Variants in AKR1C3 observed in about 807,000 individuals in gnomAD.
AKR1C3 encodes 3-alpha hydroxysteroid dehydrogenase, type II.
A neutral mutation model predicts 43.6 loss-of-function variants in AKR1C3; 48 were observed. The ratio of observed to expected loss-of-function variants is 1.10; its 90% CI spans 0.87 to 1.40. The LOEUF (loss-of-function observed/expected upper bound fraction) is 1.40, where lower values mean the gene tolerates loss of function less well. AKR1C3 is among the 40% of genes most tolerant of loss of function. The pLI is 0.00. For synonymous variants in AKR1C3, 162 were observed against 139.6 expected (o/e 1.16, Z -1.13); for missense variants, 482 against 391.2 (o/e 1.23, Z -1.96).
At chr10:5,091,922 G>A (rs1477669797), upstream of AKR1C3, among the ~76,000 whole-genome samples, 4 of 151,992 alleles carry the variant, frequency 2.6e-5, no homozygotes, top group Admixed American at 2.0e-4. Context: ...TCAGGTTACT[G>A]TCTAAAATGC....
intron 1 of AKR1C3, among the ~76,000 whole-genome samples, chr10:5,071,075 G>A (rs184505980): frequency 1.3e-5 from 2 of 152,278 alleles, no homozygotes; most frequent in Admixed American, 1.3e-4. Context: ...GCCTCACAAT[G>A]GATTTCCACT....
At chr10:5,086,236 C>A (rs562374014) in intron 1 of AKR1C3, among the ~76,000 whole-genome samples, 5 of 151,730 alleles carry the variant, frequency 3.3e-5, no homozygotes, top group African/African-American at 1.2e-4. Context: ...TCCCTCTACA[C>A]ATTGCTTTGA....
At chr10:5,073,759 A>AC (rs1270605624) in intron 1 of AKR1C3, among the ~76,000 whole-genome samples, 12 of 151,924 alleles carry the variant, frequency 7.9e-5, no homozygotes, top group African/African-American at 2.4e-4. Flanking sequence ...CAAGAACATC[A>AC]CCCTCACCTT....
intron 1 of AKR1C3, among the ~76,000 whole-genome samples, chr10:5,050,665 T>C (rs1048226217): frequency 2.6e-5 from 4 of 152,142 alleles, no homozygotes; most frequent in African/African-American, 9.7e-5. Flanking sequence ...AAAGGAAGAA[T>C]AGCAAGCATT....
chr10:5,061,705 G>C (rs1228527063), intron 1 of AKR1C3, among the ~76,000 whole-genome samples: 1 of 152,154 alleles, frequency 6.6e-6, no homozygotes, highest in African/African-American at 2.4e-5. Context: ...GCTGTGGTAG[G>C]ACAGGACATT....
chr10:5,082,539 G>A (rs1838859519), intron 1 of AKR1C3, among the ~76,000 whole-genome samples: 1 of 151,848 alleles, frequency 6.6e-6, no homozygotes, highest in Non-Finnish European at 1.5e-5. Context: ...CTGTTGGGAT[G>A]ATCATTTTTT....
chr10:5,097,628 C>G, intron 3 of AKR1C3, 78 bp downstream of exon 3: 1 of 1,604,008 alleles, frequency 6.2e-7, no homozygotes, highest in Non-Finnish European at 8.5e-7. Context: ...TTGAACAGAG[C>G]TTTTTATTAG....
intron 1 of AKR1C3, among the ~76,000 whole-genome samples, chr10:5,087,404 G>A (rs544705940): frequency 1.5e-5 from 2 of 133,182 alleles, no homozygotes; most frequent in African/African-American, 2.9e-5. Flanking sequence ...TTTGAGGCTC[G>A]CTCTGTTGCC....
chr10:5,083,852 A>G (rs7893549), intron 1 of AKR1C3, among the ~76,000 whole-genome samples: 132,706 of 152,216 alleles, frequency 0.87, 58,098 homozygotes, highest in African/African-American at 0.96. Context: ...TTTTTCATGT[A>G]TTTTTTGGGT....
intron 1 of AKR1C3, among the ~76,000 whole-genome samples, chr10:5,052,340 T>G (rs562473346): frequency 8.2e-4 from 125 of 152,012 alleles, no homozygotes; most frequent in Non-Finnish European, 1.5e-3. Context: ...TTGCAAAGAG[T>G]GAAATAACAA....
In AKR1C3 at chr10:5,058,744, A is replaced by G. The variant is rs561012360; in HGVS notation, c.84+9849A>G. Among the ~76,000 whole-genome samples, 313 of 152,292 alleles carry G rather than the reference A, an allele frequency of 2.1e-3. 2 individuals carry two copies. The highest frequency in any genetic ancestry group is 6.7e-3 in the African/African-American group (277 of 41,574). On this transcript the variant is annotated intron_variant, in intron 1 of 8. Coordinates refer to the AKR1C3 transcript ENST00000439082. Reference sequence around the variant, plus strand: ...AACGCTAGTTTTCCTCCCAGACCACATGGAGGACCAAGGAAGGTTGGATTT... The same window carrying G: ...AACGCTAGTTTTCCTCCCAGACCACGTGGAGGACCAAGGAAGGTTGGATTT...
chr10:5,075,969 C>T (rs1297743027), intron 1 of AKR1C3, among the ~76,000 whole-genome samples: 4 of 152,022 alleles, frequency 2.6e-5, no homozygotes, highest in Non-Finnish European at 5.9e-5. Context: ...GTTGCTGGGG[C>T]TAAGATATCC....
intron 7 of AKR1C3, 63 bp from the exon 8 acceptor site, chr10:5,105,532 T>C: frequency 8.0e-7 from 1 of 1,247,546 alleles, no homozygotes; most frequent in East Asian, 2.5e-5. Flanking sequence ...CCCTACTGTC[T>C]AATATACTTG....
chr10:5,060,526 G>A (rs376323592), intron 1 of AKR1C3, among the ~76,000 whole-genome samples: 318 of 152,300 alleles, frequency 2.1e-3, no homozygotes, highest in African/African-American at 7.2e-3. Context: ...TACAAACCTC[G>A]AGCTAGATAC....
chr10:5,073,357 C>T (rs1214469817), intron 1 of AKR1C3, among the ~76,000 whole-genome samples: 3 of 152,062 alleles, frequency 2.0e-5, no homozygotes, highest in Non-Finnish European at 4.4e-5. Context: ...ACATTATTCT[C>T]CAATATAAAG....
At chr10:5,103,521 C>T (rs954238392) in intron 7 of AKR1C3, among the ~76,000 whole-genome samples, 3 of 152,132 alleles carry the variant, frequency 2.0e-5, no homozygotes, top group Non-Finnish European at 4.4e-5. Flanking sequence ...TAGTCAAGTT[C>T]TGTTCTTGGC....
chr10:5,053,362 G>T (rs1474053605), intron 1 of AKR1C3, among the ~76,000 whole-genome samples: 2 of 152,210 alleles, frequency 1.3e-5, no homozygotes, highest in Non-Finnish European at 2.9e-5. Context: ...GCCCCTCACT[G>T]CCCTGGGCTT....
intron 5 of AKR1C3, among the ~76,000 whole-genome samples, chr10:5,100,707 A>T (rs1554785824): frequency 6.6e-6 from 1 of 152,208 alleles, no homozygotes; most frequent in Non-Finnish European, 1.5e-5. Context: ...TGGCCTAATG[A>T]TACAGTTCCA....
chr10:5,102,403 T>G lies in AKR1C3; in HGVS notation c.681-82T>G. 9 of 1,474,614 alleles carry G rather than the reference T, an allele frequency of 6.1e-6. No individual in the cohort carries two copies. The East Asian group carries it at 6.8e-5, about 11-fold the overall frequency. 91.3% of individuals were successfully genotyped at this position (1,474,614 alleles called of 1,614,324 possible). ...TCGCTTGAGAAGCTCCGGTGCAGAG[T>G]GGATGCCTTAGTCTGTTTAGGGAGC... On this transcript the variant is annotated intron_variant, in intron 6 of 8. Coordinates refer to ENST00000380554, the MANE Select transcript of AKR1C3 (RefSeq NM_003739.6).
Sources: gnomAD v4.1 joint callset for allele counts (sites outside exome capture counted in the v4.1 genomes callset) on GRCh38, gnomAD v4.1.1 for gene constraint, MANE v1.5 for transcripts, NCBI Gene and HGNC (gene_info 2026-07-23, HGNC 2026-07-21) for gene names.